The following CNTN4 variants were observed in gnomAD, a reference collection of about 807,000 sequenced individuals.
CNTN4 encodes contactin-4.
Under a neutral mutation model 122.5 loss-of-function variants are expected in CNTN4, and 77 were observed. That is an observed-to-expected ratio of 0.63 (90% CI 0.52 to 0.76). The LOEUF (loss-of-function observed/expected upper bound fraction) is 0.76, where lower values mean the gene tolerates loss of function less well. Ranked by LOEUF, CNTN4 falls within the 30% of genes least tolerant of loss-of-function variation. The probability of loss-of-function intolerance (pLI) is 0.00; values close to 1 mark genes in which losing one functional copy is unlikely to be tolerated. For missense variants in CNTN4, 1,256 were observed against 1,259.1 expected, an observed-to-expected ratio of 1.00 and a Z score of 0.04; for synonymous variants, 512 against 447.0, an observed-to-expected ratio of 1.15 and a Z score of -1.83.
intron 4 of CNTN4, among the ~76,000 whole-genome samples, chr3:2,732,380 G>T (rs1047296898): frequency 6.6e-6 from 1 of 152,110 alleles, no homozygotes; most frequent in Admixed American, 6.5e-5. Flanking sequence ...GTGGTCTACA[G>T]TCTAACTCGG....
chr3:2,894,554 G>T (rs978013310), intron 10 of CNTN4, among the ~76,000 whole-genome samples: 1 of 152,152 alleles, frequency 6.6e-6, no homozygotes. Flanking sequence ...TGCATAAAGT[G>T]AAGCTGATTA....
intron 6 of CNTN4, among the ~76,000 whole-genome samples, chr3:2,756,886 C>T (rs372024628): frequency 1.6e-4 from 25 of 152,162 alleles, no homozygotes; most frequent in African/African-American, 5.8e-4. Flanking sequence ...TCCAGAACTG[C>T]GAGAGAATAA....
chr3:2,966,487 G>T (rs184308532), intron 13 of CNTN4, among the ~76,000 whole-genome samples: 1 of 152,106 alleles, frequency 6.6e-6, no homozygotes, highest in East Asian at 1.9e-4. Context: ...AAGGAGGGAG[G>T]GGTGGAAAAG....
Position 2,738,341 on chromosome 3 carries a change from T to C in CNTN4, c.182+2000T>C, listed in dbSNP as rs372478203. ...AATCAGGAGACAGAAGATAAAATAT[T>C]CAGTACAGTGAGAGAAACTGTCAAA... On this transcript the variant is annotated intron_variant, in intron 5 of 24. Transcript: ENST00000418658. 2.2e-4 allele frequency among the ~76,000 whole-genome samples: 33 copies of C among 152,148 alleles called. 5 individuals are homozygous for C. Among genetic ancestry groups the C allele is most frequent in the Admixed American group, 2.0e-3 (30 of 15,266 alleles).
At chr3:2,752,954 A>T (rs2090163968) in intron 6 of CNTN4, among the ~76,000 whole-genome samples, 2 of 152,160 alleles carry the variant, frequency 1.3e-5, no homozygotes, top group South Asian at 4.1e-4. Context: ...ACAGGATTTC[A>T]TTCTTTTTAT....
chr3:2,511,812 T>A (rs1015197478), intron 3 of CNTN4: 1 of 152,242 alleles, frequency 6.6e-6, no homozygotes, highest in Non-Finnish European at 1.5e-5. Flanking sequence ...GCTGGTGAGG[T>A]AGAGTGTGAT....
chr3:3,006,179 G>A (rs374548902), intron 14 of CNTN4, among the ~76,000 whole-genome samples: 70 of 152,116 alleles, frequency 4.6e-4, no homozygotes, highest in Non-Finnish European at 9.3e-4. Context: ...CCCAGCCCAC[G>A]CTGTGTAGAT....
intron 13 of CNTN4, among the ~76,000 whole-genome samples, chr3:2,970,354 C>T (rs1416759668): frequency 6.6e-6 from 1 of 152,182 alleles, no homozygotes; most frequent in Non-Finnish European, 1.5e-5. Context: ...GCCTCAGCTT[C>T]CCAAAGCACT....
At position 2,306,862 on chromosome 3, in the gene CNTN4, GTATTT is replaced by G. The variant is rs1202722296; in HGVS notation, c.-144-32311_-144-32307del. ...CTGATTTTATTAAATTTGTTCCTAAGTATTTTATTATTTTTGATATTTTAAATGAA... is the reference window on the plus strand; with the variant it reads ...CTGATTTTATTAAATTTGTTCCTAAGTATTATTTTTGATATTTTAAATGAA... On this transcript the variant is annotated intron_variant, in intron 2 of 24. Coordinates refer to ENST00000418658, the MANE Select transcript of CNTN4 (RefSeq NM_175607.3). 2.7e-5 allele frequency among the ~76,000 whole-genome samples: 4 copies of G among 150,588 alleles called. No individual in the cohort carries two copies. The East Asian group carries it at 7.8e-4, about 29-fold the overall frequency.
chr3:2,875,342 C>T (rs1211821602), intron 8 of CNTN4, among the ~76,000 whole-genome samples: 1 of 152,120 alleles, frequency 6.6e-6, no homozygotes, highest in African/African-American at 2.4e-5. Context: ...ATGGAAGGTA[C>T]TGTTATTCTT....
At chr3:2,480,218 G>T (rs1177212067) in intron 3 of CNTN4, among the ~76,000 whole-genome samples, 3 of 151,854 alleles carry the variant, frequency 2.0e-5, no homozygotes, top group Admixed American at 6.6e-5. Flanking sequence ...ACAAAGCAAG[G>T]ATAACTTCTA....
At chr3:2,622,310 A>C (rs1399469124) in intron 4 of CNTN4, among the ~76,000 whole-genome samples, 1 of 152,162 alleles carries the variant, frequency 6.6e-6, no homozygotes. Flanking sequence ...CCAGAGTAGC[A>C]TTACTAGACA....
intron 4 of CNTN4, among the ~76,000 whole-genome samples, chr3:2,708,901 A>G (rs1206191710): frequency 6.6e-6 from 1 of 152,204 alleles, no homozygotes; most frequent in Non-Finnish European, 1.5e-5. Context: ...TTTGTAAAAT[A>G]TTGTAATAAG....
At chr3:3,011,273 C>T (rs1435215898) in intron 14 of CNTN4, among the ~76,000 whole-genome samples, 1 of 152,180 alleles carries the variant, frequency 6.6e-6, no homozygotes, top group African/African-American at 2.4e-5. Context: ...GCCCCATAAA[C>T]TACTCCAATA....
chr3:2,538,854 GACAC>G (rs2077918232), intron 3 of CNTN4, among the ~76,000 whole-genome samples: 1 of 151,406 alleles, frequency 6.6e-6, no homozygotes, highest in African/African-American at 2.4e-5. Context: ...TGCACACACA[GACAC>G]ACACCCACAA....
intron 2 of CNTN4, among the ~76,000 whole-genome samples, chr3:2,173,444 CCTT>C (rs1275131728): frequency 1.3e-5 from 2 of 152,164 alleles, no homozygotes; most frequent in African/African-American, 2.4e-5. Context: ...ATTAAACACT[CCTT>C]CTTCAGAGTT....
intron 2 of CNTN4, among the ~76,000 whole-genome samples, chr3:2,264,796 T>C (rs75120399): frequency 0.1 from 15,357 of 152,148 alleles, 932 homozygotes; most frequent in Middle Eastern, 0.16. Context: ...TAATTTTTTA[T>C]ATGGTGAAAG....
chr3:2,877,878 A>G (rs996962354), intron 8 of CNTN4, among the ~76,000 whole-genome samples: 2 of 152,240 alleles, frequency 1.3e-5, no homozygotes, highest in Non-Finnish European at 2.9e-5. Flanking sequence ...TTTAATGCAG[A>G]AAGTAAAGGC....
intron 2 of CNTN4, among the ~76,000 whole-genome samples, chr3:2,140,865 G>T (rs367799673): frequency 6.6e-6 from 1 of 152,214 alleles, no homozygotes; most frequent in East Asian, 1.9e-4. Flanking sequence ...CCAGGTCTTT[G>T]ATATGTGTAT....
Sources: allele counts gnomAD v4.1 joint callset (sites outside exome capture counted in the v4.1 genomes callset), GRCh38; gene constraint gnomAD v4.1.1; transcripts MANE v1.5; gene names NCBI Gene and HGNC (gene_info 2026-07-23, HGNC 2026-07-21).